ASB10: variants seen among roughly 807,000 people sequenced by gnomAD.
ASB10 encodes ankyrin repeat and SOCS box protein 10.
In ASB10, 44 loss-of-function variants were observed where a neutral mutation model predicts 35.4. The observed-to-expected ratio is 1.24, with a 90% confidence interval of 0.98 to 1.60. The LOEUF (loss-of-function observed/expected upper bound fraction) is 1.60, where lower values mean the gene tolerates loss of function less well. Ranked by LOEUF, ASB10 falls within the 40% of genes most tolerant of loss-of-function variation. The pLI is 0.00. For synonymous variants in ASB10, 294 were observed against 280.4 expected (o/e 1.05, Z -0.49); for missense variants, 647 against 634.3 (o/e 1.02, Z -0.22).
At chr7:151,184,398 G>GT (rs1399336027) in intron 2 of ASB10, among the ~76,000 whole-genome samples, 1 of 111,388 alleles carries the variant, frequency 9.0e-6, no homozygotes, top group Non-Finnish European at 1.8e-5. Flanking sequence ...GGGCGACAGA[G>GT]TAAAAAAAAA....
chr7:151,186,367 G>C (rs759993409), intron 2 of ASB10, 25 bp downstream of exon 2: 115 of 1,562,130 alleles, frequency 7.4e-5, no homozygotes, highest in Non-Finnish European at 9.6e-5. Context: ...AGTGGAACTG[G>C]GGGTTGGGGT....
At chr7:151,187,493 T>C, upstream of ASB10, 1 of 1,551,280 alleles carries the variant, frequency 6.4e-7, no homozygotes, top group South Asian at 1.2e-5. This position sits in a 1 kb window ranked among gnomAD's most constrained non-coding sequence, Gnocchi z 5.3. Context: ...GGCCCGGCTC[T>C]CCAGCAGCAG....
At chr7:151,182,529 G>A (rs1801514622) in intron 2 of ASB10, among the ~76,000 whole-genome samples, 1 of 152,166 alleles carries the variant, frequency 6.6e-6, no homozygotes, top group African/African-American at 2.4e-5. Context: ...AGTGAGCCGA[G>A]ATCATGCCAC....
Position 151,176,592 on chromosome 7 carries a change from C to A in ASB10, c.1189G>T (p.Val397Phe). 2 of 1,551,320 alleles carry A rather than the reference C, an allele frequency of 1.3e-6. No individual in the cohort carries two copies. Among genetic ancestry groups the A allele is most frequent in the Non-Finnish European group, 1.7e-6 (2 of 1,146,918 alleles). Residue 397 changes from valine (V) to phenylalanine (F), a missense_variant, in exon 4 of 6, where the codon GTC becomes TTC. Physicochemically the swap from Val to Phe is conservative, Grantham distance 50. Transcript: ENST00000420175. ...YSVVQLPEEA[V>F]GLVTPETLQK... ...AGAGTTTCAGGAGTCACCAGGCCGA[C>A]GGCCTCCTCGGGAAGCTGCACAACA...
chr7:151,176,659 G>T lies in ASB10; in HGVS notation c.1122C>A (p.Ser374Arg). 1 of 1,544,134 alleles carries T rather than the reference G, an allele frequency of 6.5e-7. No individual in the cohort carries two copies. The highest frequency in any genetic ancestry group is 2.5e-5 in the East Asian group (1 of 40,796). Residue 374 changes from serine to arginine, a missense_variant, in exon 4 of 6, where the codon AGC (serine) becomes AGA (arginine). Ser to Arg is a moderately radical substitution (Grantham distance 110). Coordinates refer to ENST00000420175, the MANE Select transcript of ASB10 (RefSeq NM_001142459.2). The part of the protein sequence containing the change: ...GALPKVLERW[S>R]TCPRTIEVLM... Reference sequence around the variant, plus strand: ...GGACCTCGATGGTCCGAGGGCACGTGCTCCAGCGCTCCAGCACCTGTGGGA... The same window carrying T: ...GGACCTCGATGGTCCGAGGGCACGTTCTCCAGCGCTCCAGCACCTGTGGGA...
intron 2 of ASB10, among the ~76,000 whole-genome samples, chr7:151,183,366 C>A (rs1801529255): frequency 6.6e-6 from 1 of 152,178 alleles, no homozygotes; most frequent in Admixed American, 6.5e-5. Flanking sequence ...GAACGTACCA[C>A]TGGACATCCA....
intron 2 of ASB10, among the ~76,000 whole-genome samples, chr7:151,183,550 G>T (rs968724562): frequency 2.0e-5 from 3 of 152,196 alleles, no homozygotes; most frequent in Non-Finnish European, 4.4e-5. Context: ...TGAGATTACA[G>T]GTGTGCACCA....
Position 151,187,065 on chromosome 7 carries a change from G to T in ASB10, c.66C>A (p.Pro22=), listed in dbSNP as rs544970170. The T allele has an allele frequency of 1.1e-5, 18 of 1,609,798 alleles. No individual in the cohort carries two copies. Among genetic ancestry groups the T allele is most frequent in the Non-Finnish European group, 1.4e-5 (17 of 1,178,222 alleles). Residue 22 remains proline (P), a synonymous_variant, in exon 1 of 6, where the codon CCC becomes CCA. Transcript: ENST00000420175. The surrounding 1 kb of genome is among the most constrained non-coding windows in gnomAD (Gnocchi z 5.3). ...GCTTCTCCACCAGCCTGGCACAGAG[G>T]GGGTGTCTGTCATCGAGGGGCTCTC... ...GQGEPLDDRH[P]LCARLVEKPS... is the part of the protein sequence containing the mutation.
At position 151,186,967 on chromosome 7, in the gene ASB10, G is replaced by C. The variant is rs553859901; in HGVS notation, c.164C>G (p.Ala55Gly). ...PIVTRTASGPALAFWQAVLAG... is the reference protein window; with the variant it reads ...PIVTRTASGPGLAFWQAVLAG... Reference sequence around the variant, plus strand: ...CAGCACTGCCTGCCAGAAGGCAAGGGCAGGTCCTGAGGCTGTGCGGGTGAC... The same window carrying C: ...CAGCACTGCCTGCCAGAAGGCAAGGCCAGGTCCTGAGGCTGTGCGGGTGAC... The change falls in exon 1 of 6, where the codon GCC (alanine) becomes GGC (glycine). Residue 55 changes from alanine (A) to glycine (G), a missense_variant. Physicochemically the swap from Ala to Gly is moderately conservative, Grantham distance 60. Transcript: ENST00000420175. 1 of 1,613,872 alleles carries C rather than the reference G, an allele frequency of 6.2e-7. No individual in the cohort carries two copies. Among genetic ancestry groups the C allele is most frequent in the Non-Finnish European group, 8.5e-7 (1 of 1,179,982 alleles).
intron 3 of ASB10, 111 bp downstream of exon 3, chr7:151,180,828 A>T: frequency 7.1e-7 from 1 of 1,404,184 alleles, no homozygotes; most frequent in Admixed American, 2.9e-5. Flanking sequence ...AGACAGACAG[A>T]AGGAACCAAT....
intron 2 of ASB10, among the ~76,000 whole-genome samples, chr7:151,186,015 T>C (rs565324303): frequency 6.6e-6 from 1 of 152,280 alleles, no homozygotes; most frequent in Admixed American, 6.5e-5. Flanking sequence ...GGGCAGGGCC[T>C]CAGGGACTTA....
chr7:151,187,555 G>A (rs1040535491), upstream of ASB10: 50 of 1,551,406 alleles, frequency 3.2e-5, no homozygotes, highest in Non-Finnish European at 3.6e-5. This position sits in a 1 kb window ranked among gnomAD's most constrained non-coding sequence, Gnocchi z 5.3. Context: ...CCAGGTCCCC[G>A]GTGTAGAGGG....
intron 2 of ASB10, among the ~76,000 whole-genome samples, chr7:151,183,830 C>A (rs549140208): frequency 3.9e-5 from 6 of 152,278 alleles, no homozygotes; most frequent in African/African-American, 1.4e-4. Flanking sequence ...AGGTGATCCA[C>A]CCGGCTCGGC....
At chr7:151,184,283 G>T (rs1338455506) in intron 2 of ASB10, among the ~76,000 whole-genome samples, 2 of 151,980 alleles carry the variant, frequency 1.3e-5, no homozygotes, top group African/African-American at 2.4e-5. Flanking sequence ...TGCGGTGGTG[G>T]GCGCCTGTAG....
At chr7:151,185,104 A>C (rs1156603569) in intron 2 of ASB10, among the ~76,000 whole-genome samples, 1 of 149,308 alleles carries the variant, frequency 6.7e-6, no homozygotes, top group East Asian at 2.0e-4. Context: ...TTAATTTTAC[A>C]TATTTGTCTT....
intron 3 of ASB10, among the ~76,000 whole-genome samples, chr7:151,179,009 G>T (rs964040697): frequency 2.0e-5 from 3 of 152,032 alleles, no homozygotes; most frequent in African/African-American, 7.3e-5. Flanking sequence ...GCCCATCCCA[G>T]TCCTGCCTCC....
At chr7:151,180,129 G>A (rs1172764569) in intron 3 of ASB10, among the ~76,000 whole-genome samples, 1 of 152,160 alleles carries the variant, frequency 6.6e-6, no homozygotes, top group Admixed American at 6.5e-5. Context: ...TTTCGGTTCT[G>A]AGCCATCTCC....
chr7:151,182,526 C>T (rs1285052414), intron 2 of ASB10, among the ~76,000 whole-genome samples: 2 of 152,010 alleles, frequency 1.3e-5, no homozygotes, highest in South Asian at 2.1e-4. Flanking sequence ...TGCAGTGAGC[C>T]GAGATCATGC....
In ASB10 at chr7:151,176,693, C is replaced by A; in HGVS notation, c.1105-17G>T. ...CTCCAGCACCTGTGGGAGGCAGAGGCATGTTGGGTCCTCAGTCAGTCCACA... is the reference window on the plus strand; with the variant it reads ...CTCCAGCACCTGTGGGAGGCAGAGGAATGTTGGGTCCTCAGTCAGTCCACA... On this transcript the variant is annotated splice_polypyrimidine_tract_variant and intron_variant, in intron 3 of 5. Transcript: ENST00000420175. 1 of 1,521,532 alleles carries A rather than the reference C, an allele frequency of 6.6e-7. No homozygotes were observed. Among genetic ancestry groups the A allele is most frequent in the Non-Finnish European group, 8.9e-7 (1 of 1,120,290 alleles). The allele number at this position is 1,521,532 out of a possible 1,614,324, so 94.3% of individuals were successfully genotyped here.
Sources: allele counts gnomAD v4.1 joint callset (sites outside exome capture counted in the v4.1 genomes callset), GRCh38; gene constraint gnomAD v4.1.1; non-coding constraint Gnocchi (gnomAD v3.1); transcripts MANE v1.5; gene names NCBI Gene and HGNC (gene_info 2026-07-23, HGNC 2026-07-21).